The following XPO4 variants were observed in gnomAD, a reference collection of about 807,000 sequenced individuals.
XPO4 encodes the protein exportin-4.
In XPO4, 39 loss-of-function variants were observed where a neutral mutation model predicts 143.0. That is an observed-to-expected ratio of 0.27 (90% CI 0.21 to 0.36). The LOEUF is 0.36. Among genes scored for constraint, XPO4 ranks in the 10% least tolerant of loss-of-function variants. XPO4 has a pLI of 1.00. For missense variants in XPO4, 907 were observed against 1,348.0 expected, an observed-to-expected ratio of 0.67 and a Z score of 5.12; for synonymous variants, 439 against 474.0, an observed-to-expected ratio of 0.93 and a Z score of 0.96.
chr13:20,882,124 A>AAGAAAG (rs2060416936), intron 1 of XPO4, among the ~76,000 whole-genome samples: 1 of 147,836 alleles, frequency 6.8e-6, no homozygotes, highest in African/African-American at 2.6e-5. Context: ...AAAAAAAAAA[A>AAGAAAG]AAAGAAAGAA....
At chr13:20,874,896 G>A (rs2060337137) in intron 1 of XPO4, among the ~76,000 whole-genome samples, 1 of 152,158 alleles carries the variant, frequency 6.6e-6, no homozygotes, top group East Asian at 1.9e-4. Context: ...AGGAGGCTGA[G>A]GCAGGAGAAT....
chr13:20,786,892 C>A, intron 22 of XPO4, 73 bp downstream of exon 22: 2 of 1,257,594 alleles, frequency 1.6e-6, no homozygotes, highest in Non-Finnish European at 1.1e-6. Context: ...GATTAATGAC[C>A]CACCATCTAT....
intron 4 of XPO4, chr13:20,852,202 A>C: frequency 1.0e-6 from 1 of 985,440 alleles, no homozygotes; most frequent in Non-Finnish European, 1.2e-6. Flanking sequence ...CAGAGTTACT[A>C]GTAATGTTCC....
intron 22 of XPO4, among the ~76,000 whole-genome samples, chr13:20,786,480 T>C (rs1232178449): frequency 6.6e-6 from 1 of 152,130 alleles, no homozygotes; most frequent in African/African-American, 2.4e-5. Context: ...CTAACTCTTC[T>C]ATTAACCCCA....
intron 1 of XPO4, among the ~76,000 whole-genome samples, chr13:20,877,183 G>A (rs984374579): frequency 2.0e-5 from 3 of 152,150 alleles, no homozygotes; most frequent in Admixed American, 2.0e-4. Flanking sequence ...ATTAACAAAG[G>A]ATTAATATCC....
Position 20,887,133 on chromosome 13 carries a change from C to T in XPO4, c.69+15537G>A, listed in dbSNP as rs1042619039. Among the ~76,000 whole-genome samples the T allele has an allele frequency of 5.3e-5, 8 of 152,198 alleles. No homozygotes were observed. In the South Asian group the frequency reaches 1.4e-3, roughly 28 times the overall value. ...TTTATTGTGATAAATACAGCAATTCCAATCCTATACAGATTTCTTCAAGAG... is the reference window on the plus strand; with the variant it reads ...TTTATTGTGATAAATACAGCAATTCTAATCCTATACAGATTTCTTCAAGAG... On this transcript the variant is annotated intron_variant, in intron 1 of 22. Coordinates refer to ENST00000255305, the MANE Select transcript of XPO4 (RefSeq NM_022459.5).
intron 2 of XPO4, among the ~76,000 whole-genome samples, chr13:20,865,778 G>A (rs1224619729): frequency 6.6e-6 from 1 of 152,114 alleles, no homozygotes; most frequent in Non-Finnish European, 1.5e-5. Flanking sequence ...CAAAGCACAG[G>A]CAATATAAGC....
chr13:20,842,113 C>T (rs2059981527), intron 6 of XPO4, among the ~76,000 whole-genome samples: 1 of 152,154 alleles, frequency 6.6e-6, no homozygotes, highest in Non-Finnish European at 1.5e-5. Context: ...TCCATACCCC[C>T]ATTTTACATT....
At chr13:20,850,228 T>G in intron 4 of XPO4, 1 of 985,114 alleles carries the variant, frequency 1.0e-6, no homozygotes, top group South Asian at 4.7e-5. Context: ...CTTCCCGAGA[T>G]TCTATGAAGA....
chr13:20,780,533 T>C lies in XPO4; in HGVS notation c.*3189A>G, dbSNP rs974409580. On this transcript the variant is annotated 3_prime_UTR_variant, in exon 23 of 23. Coordinates refer to ENST00000255305, the MANE Select transcript of XPO4 (RefSeq NM_022459.5). Reference sequence around the variant, plus strand: ...TAATGCTGACTGGGGGGAAATGATATAGATACTTGCTTTTCAAATGAAAAT... The same window carrying C: ...TAATGCTGACTGGGGGGAAATGATACAGATACTTGCTTTTCAAATGAAAAT... 1.3e-5 allele frequency: 2 copies of C among 152,198 alleles called. No individual in the cohort carries two copies. Among genetic ancestry groups the C allele is most frequent in the South Asian group, 2.1e-4 (1 of 4,830 alleles). 9.4% of individuals were successfully genotyped at this position (152,198 alleles called of 1,614,324 possible).
chr13:20,843,133 C>T (rs1394949651), intron 5 of XPO4, 85 bp from the exon 6 acceptor site: 2 of 1,318,780 alleles, frequency 1.5e-6, no homozygotes. Context: ...AAAACAAACA[C>T]CTTAAAATTT....
intron 10 of XPO4, 133 bp from the exon 11 acceptor site, chr13:20,809,358 A>G (rs2059547997): frequency 5.4e-6 from 6 of 1,102,630 alleles, no homozygotes; most frequent in Non-Finnish European, 7.6e-6. Flanking sequence ...CCGACCTTTG[A>G]GCACAGCTAT....
intron 7 of XPO4, among the ~76,000 whole-genome samples, chr13:20,822,826 G>A (rs2059737287): frequency 6.6e-6 from 1 of 152,144 alleles, no homozygotes. Context: ...CTTACAATTT[G>A]TTTGAATCTC....
intron 4 of XPO4, among the ~76,000 whole-genome samples, chr13:20,844,224 C>T (rs1157221758): frequency 8.5e-5 from 13 of 152,126 alleles, no homozygotes; most frequent in Non-Finnish European, 1.5e-4. Flanking sequence ...GTTTAATTCG[C>T]AGAACAACCT....
At chr13:20,893,505 C>T (rs928570847) in intron 1 of XPO4, among the ~76,000 whole-genome samples, 70 of 152,020 alleles carry the variant, frequency 4.6e-4, no homozygotes, top group African/African-American at 1.6e-3. Flanking sequence ...TTTGGGAGGC[C>T]GAGGTGGGAG....
Position 20,778,678 on chromosome 13 carries a change from C to T in XPO4, c.*5044G>A, listed in dbSNP as rs926710275. ...ATTCTGTGAGTACCACGGGTTCTCC[C>T]AGAAGGTGATGCAAATCTTGATTTT... On this transcript the variant is annotated 3_prime_UTR_variant, in exon 23 of 23. Transcript: ENST00000255305. 6.6e-6 allele frequency: 1 copy of T among 152,104 alleles called. No individual in the cohort carries two copies. Among genetic ancestry groups the T allele is most frequent in the African/African-American group, 2.4e-5 (1 of 41,424 alleles). The allele number at this position is 152,104 out of a possible 1,614,324, so 9.4% of individuals were successfully genotyped here.
In XPO4 at chr13:20,780,455, T is replaced by C. The variant is rs552800398; in HGVS notation, c.*3267A>G. 6.6e-6 allele frequency: 1 copy of C among 152,264 alleles called. No homozygotes were observed. Among genetic ancestry groups the C allele is most frequent in the East Asian group, 1.9e-4 (1 of 5,180 alleles). The allele number at this position is 152,264 out of a possible 1,614,324, so 9.4% of individuals were successfully genotyped here. The stretch of plus-strand genomic sequence containing the variant: ...ATGGTGATATTACAACTATAAAGAC[T>C]TGACATTTTTGTTAAAAGAGAAAGT... On this transcript the variant is annotated 3_prime_UTR_variant, in exon 23 of 23. Transcript: ENST00000255305.
At chr13:20,849,532 C>G in intron 4 of XPO4, 1 of 985,354 alleles carries the variant, frequency 1.0e-6, no homozygotes, top group Non-Finnish European at 1.2e-6. Context: ...ATATCCCTCC[C>G]AAATTAGTAC....
At chr13:20,882,146 T>A (rs78934420) in intron 1 of XPO4, among the ~76,000 whole-genome samples, 1,390 of 137,178 alleles carry the variant, frequency 0.01, 26 homozygotes, top group African/African-American at 0.038. Flanking sequence ...GAAAAGAAAA[T>A]TGGGAAAAAC....
Sources: allele counts gnomAD v4.1 joint callset (sites outside exome capture counted in the v4.1 genomes callset), GRCh38; gene constraint gnomAD v4.1.1; transcripts MANE v1.5; gene names NCBI Gene and HGNC (gene_info 2026-07-23, HGNC 2026-07-21).